Variants in CDH18 observed in about 807,000 individuals in gnomAD.
CDH18 encodes cadherin-18.
CDH18 carries 31 observed loss-of-function variants against 67.9 expected under a neutral mutation model. That is an observed-to-expected ratio of 0.46 (90% confidence interval 0.34 to 0.62). The LOEUF is 0.62. Among genes scored for constraint, CDH18 ranks in the 20% least tolerant of loss-of-function variants. The pLI, the probability that CDH18 is intolerant of heterozygous loss-of-function variation, is 0.01. For missense variants in CDH18, 890 were observed against 975.5 expected, an observed-to-expected ratio of 0.91 and a Z score of 1.17; for synonymous variants, 362 against 347.2, an observed-to-expected ratio of 1.04 and a Z score of -0.48.
chr5:20,169,295 A>G lies in CDH18; in HGVS notation c.-518+86149T>C, dbSNP rs60477032. Among the ~76,000 whole-genome samples, 131 of 152,240 alleles carry G rather than the reference A, an allele frequency of 8.6e-4. 2 individuals carry two copies. The highest frequency in any genetic ancestry group is 6.4e-3 in the Admixed American group (98 of 15,268). On this transcript the variant is annotated intron_variant, in intron 2 of 14. Transcript: ENST00000507958. ...TACCCACCAATATTAAAAATAAAAA[A>G]TAAAAAATAACAGACACCACTATTA...
intron 2 of CDH18, among the ~76,000 whole-genome samples, chr5:20,146,302 C>G (rs553759178): frequency 3.4e-4 from 52 of 152,104 alleles, no homozygotes; most frequent in African/African-American, 1.2e-3. Context: ...GAGGGAGAAT[C>G]GTCTTAATTA....
At chr5:20,148,083 T>C (rs547520958) in intron 2 of CDH18, among the ~76,000 whole-genome samples, 1 of 151,042 alleles carries the variant, frequency 6.6e-6, no homozygotes, top group Admixed American at 6.6e-5. Flanking sequence ...TAGTGTCTTT[T>C]GTTTTGTTTT....
intron 2 of CDH18, among the ~76,000 whole-genome samples, chr5:20,234,869 C>T (rs142839837): frequency 6.6e-5 from 10 of 152,030 alleles, no homozygotes; most frequent in African/African-American, 1.4e-4. Flanking sequence ...ATTATGAAAC[C>T]GCAGATGATG....
chr5:20,267,935 G>C (rs540585331), intron 1 of CDH18, among the ~76,000 whole-genome samples: 1 of 152,038 alleles, frequency 6.6e-6, no homozygotes, highest in Admixed American at 6.6e-5. Flanking sequence ...GTAGTTTCTC[G>C]GCTTTTCCTC....
At position 20,294,291 on chromosome 5, in the gene CDH18, A is replaced by G. The variant is rs147088197; in HGVS notation, c.-579-38786T>C. ...AAGGTCATTATCAAATATTTTTTCC[A>G]TTTTCCTTGCACATGATTAAGCCTC... On this transcript the variant is annotated intron_variant, in intron 1 of 14. Coordinates refer to the CDH18 transcript ENST00000507958. Among the ~76,000 whole-genome samples, 87 of 152,210 alleles carry G rather than the reference A, an allele frequency of 5.7e-4. No individual in the cohort carries two copies. The South Asian group carries it at 0.016, about 28-fold the overall frequency.
At chr5:20,409,028 C>G (rs907213601) in intron 1 of CDH18, among the ~76,000 whole-genome samples, 2 of 151,734 alleles carry the variant, frequency 1.3e-5, no homozygotes, top group Admixed American at 6.6e-5. Flanking sequence ...GAAGTTATAA[C>G]AATTATAGAT....
chr5:19,836,525 T>C (rs1373696411), intron 3 of CDH18, among the ~76,000 whole-genome samples: 3 of 152,214 alleles, frequency 2.0e-5, no homozygotes, highest in Non-Finnish European at 4.4e-5. Flanking sequence ...GTTTGTTTTT[T>C]TCTGGCAAAT....
chr5:20,038,392 A>C (rs1740086680), intron 2 of CDH18, among the ~76,000 whole-genome samples: 1 of 152,192 alleles, frequency 6.6e-6, no homozygotes, highest in Non-Finnish European at 1.5e-5. Flanking sequence ...GCAGAGACAC[A>C]ACAAATAAAG....
At chr5:20,527,290 A>T (rs1756131275) in intron 1 of CDH18, among the ~76,000 whole-genome samples, 2 of 152,168 alleles carry the variant, frequency 1.3e-5, no homozygotes, top group South Asian at 4.1e-4. Context: ...GATGGATTGG[A>T]GTACCCAAAA....
intron 5 of CDH18, among the ~76,000 whole-genome samples, chr5:19,702,324 A>G (rs181233567): frequency 8.6e-4 from 130 of 151,368 alleles, no homozygotes; most frequent in Non-Finnish European, 1.0e-3. Context: ...AATTTTATGT[A>G]TTTTAGTAGA....
At chr5:20,504,347 T>C (rs1324906802) in intron 1 of CDH18, among the ~76,000 whole-genome samples, 1 of 152,180 alleles carries the variant, frequency 6.6e-6, no homozygotes, top group Non-Finnish European at 1.5e-5. Context: ...TATGAATTAT[T>C]ATAATGCTTT....
rs80192630 is a variant in CDH18, at chr5:19,854,924, A to G, written c.-256-15682T>C. ...TCTGATAACCATCATGCTACTCCCTATCTCCATGAGTTCAGTTTTGTTTTT... is the reference window on the plus strand; with the variant it reads ...TCTGATAACCATCATGCTACTCCCTGTCTCCATGAGTTCAGTTTTGTTTTT... On this transcript the variant is annotated intron_variant, in intron 2 of 12. Transcript: ENST00000382275. Among the ~76,000 whole-genome samples, 407 of 137,224 alleles carry G rather than the reference A, an allele frequency of 3.0e-3. 2 individuals carry two copies. Among genetic ancestry groups the G allele is most frequent in the Middle Eastern group, 0.012 (3 of 254 alleles). 90.0% of individuals were successfully genotyped at this position (137,224 alleles called of 152,430 possible).
chr5:20,500,168 C>T (rs759332166), intron 1 of CDH18, among the ~76,000 whole-genome samples: 7 of 152,112 alleles, frequency 4.6e-5, no homozygotes, highest in Non-Finnish European at 8.8e-5. Flanking sequence ...ATATCAAATG[C>T]TGGAAAATGC....
intron 2 of CDH18, among the ~76,000 whole-genome samples, chr5:19,912,151 G>C (rs1791217786): frequency 6.6e-6 from 1 of 151,166 alleles, no homozygotes; most frequent in South Asian, 2.1e-4. Flanking sequence ...AAAAAATAAA[G>C]ACATGAATTG....
chr5:19,492,519 T>G, intron 11 of CDH18, among the ~76,000 whole-genome samples: 1 of 152,114 alleles, frequency 6.6e-6, no homozygotes, highest in East Asian at 1.9e-4. Context: ...AAATTAAAAG[T>G]TGACATCACA....
chr5:20,067,498 A>C (rs1298580549), intron 2 of CDH18, among the ~76,000 whole-genome samples: 1 of 152,064 alleles, frequency 6.6e-6, no homozygotes, highest in Non-Finnish European at 1.5e-5. Flanking sequence ...ATAATACATT[A>C]GAAACATACC....
At chr5:19,921,710 A>G (rs1452881833) in intron 2 of CDH18, among the ~76,000 whole-genome samples, 1 of 152,190 alleles carries the variant, frequency 6.6e-6, no homozygotes, top group African/African-American at 2.4e-5. Flanking sequence ...CAAAGTCTTA[A>G]AAAGGGATAT....
intron 2 of CDH18, among the ~76,000 whole-genome samples, chr5:19,883,157 G>A (rs898837210): frequency 6.6e-6 from 1 of 152,118 alleles, no homozygotes; most frequent in Non-Finnish European, 1.5e-5. Flanking sequence ...ATCAAAATCT[G>A]TGGGCATTGG....
intron 2 of CDH18, among the ~76,000 whole-genome samples, chr5:19,930,307 A>G (rs537846608): frequency 9.9e-5 from 15 of 152,190 alleles, no homozygotes; most frequent in African/African-American, 3.4e-4. Context: ...ACTGTGTTAA[A>G]AAGCTAAATG....
Sources: allele counts gnomAD v4.1 joint callset (sites outside exome capture counted in the v4.1 genomes callset), GRCh38; gene constraint gnomAD v4.1.1; transcripts MANE v1.5; gene names NCBI Gene and HGNC (gene_info 2026-07-23, HGNC 2026-07-21).